The following ZNF438 variants were observed in gnomAD, a reference collection of about 807,000 sequenced individuals.
ZNF438 encodes the protein zinc finger protein 438.
A neutral mutation model predicts 38.0 loss-of-function variants in ZNF438; 25 were observed. The observed-to-expected ratio is 0.66, with a 90% CI of 0.48 to 0.92. The LOEUF is 0.92. ZNF438 is among the 40% of genes least tolerant of loss of function. The pLI is 0.00. For missense variants in ZNF438, 1,007 were observed against 999.6 expected, an observed-to-expected ratio of 1.01 and a Z score of -0.10; for synonymous variants, 372 against 364.1, an observed-to-expected ratio of 1.02 and a Z score of -0.25.
chr10:30,875,011 T>A (rs2038187389), intron 4 of ZNF438, among the ~76,000 whole-genome samples: 2 of 152,140 alleles, frequency 1.3e-5, no homozygotes, highest in Non-Finnish European at 2.9e-5. Context: ...GTAGGTAGAA[T>A]GATTATCACA....
chr10:30,960,899 A>T lies in ZNF438; in HGVS notation c.-191-19248T>A, dbSNP rs1380173238. The stretch of plus-strand genomic sequence containing the variant: ...CCATTAACGTATTCCCCTAGGATTG[A>T]CTGTAAAATTAAGTTTTCCCACCCC... On this transcript the variant is annotated intron_variant, in intron 1 of 5. Transcript: ENST00000413025. 6.1e-5 allele frequency among the ~76,000 whole-genome samples: 9 copies of T among 146,592 alleles called. 3 individuals are homozygous for T. The highest frequency in any genetic ancestry group is 1.4e-4 in the Non-Finnish European group (9 of 64,664).
intron 4 of ZNF438, among the ~76,000 whole-genome samples, chr10:30,871,990 AT>A (rs1160220634): frequency 2.0e-5 from 3 of 152,224 alleles, no homozygotes; most frequent in African/African-American, 7.2e-5. Context: ...CACAAATGTT[AT>A]GACAGAGTTG....
chr10:30,908,994 G>T (rs1478643618), exon 3 of ZNF438: 1 of 152,140 alleles, frequency 6.6e-6, no homozygotes, highest in Non-Finnish European at 1.5e-5. Flanking sequence ...AAGATAAGAT[G>T]TGCGTACTTT....
chr10:30,941,845 TAGG>T (rs1444351232), intron 1 of ZNF438, among the ~76,000 whole-genome samples, 194 bp from the exon 3 acceptor site: 1 of 152,182 alleles, frequency 6.6e-6, no homozygotes, highest in Non-Finnish European at 1.5e-5. Context: ...ACTTCTAAAA[TAGG>T]AGATATATTG....
chr10:30,962,215 C>T (rs1322561123), intron 1 of ZNF438, among the ~76,000 whole-genome samples: 1 of 146,946 alleles, frequency 6.8e-6, no homozygotes, highest in Non-Finnish European at 1.5e-5. Flanking sequence ...AGATCAATCT[C>T]AAACCTTATT....
chr10:30,867,186 TA>T (rs1448520261), intron 4 of ZNF438, among the ~76,000 whole-genome samples: 1 of 152,246 alleles, frequency 6.6e-6, no homozygotes, highest in East Asian at 1.9e-4. Context: ...AGCTGGCTTT[TA>T]AAAAAATATG....
chr10:30,991,711 A>T (rs1277895503), intron 1 of ZNF438, among the ~76,000 whole-genome samples: 1 of 152,196 alleles, frequency 6.6e-6, no homozygotes, highest in Non-Finnish European at 1.5e-5. Flanking sequence ...CAACCAACAA[A>T]TTAGGACTAT....
intron 3 of ZNF438, among the ~76,000 whole-genome samples, chr10:30,880,442 AAAAAAG>A (rs1238564197): frequency 2.8e-3 from 419 of 151,356 alleles, no homozygotes; most frequent in Non-Finnish European, 4.8e-3. Flanking sequence ...AAAAAAAAAA[AAAAAAG>A]AAAAAGAAAA....
intron 1 of ZNF438, among the ~76,000 whole-genome samples, chr10:31,023,463 T>C (rs1257104441): frequency 6.6e-6 from 1 of 152,248 alleles, no homozygotes; most frequent in African/African-American, 2.4e-5. Context: ...CAGCCTGGGT[T>C]CCAAATATAT....
chr10:31,032,383 T>C (rs1458950465), upstream of ZNF438, among the ~76,000 whole-genome samples: 1 of 151,578 alleles, frequency 6.6e-6, no homozygotes, highest in Non-Finnish European at 1.5e-5. Flanking sequence ...CCTCCCCGGC[T>C]CGACGCGGCT....
intron 1 of ZNF438, among the ~76,000 whole-genome samples, chr10:30,986,009 T>C (rs2052740634): frequency 6.6e-6 from 1 of 152,212 alleles, no homozygotes; most frequent in Non-Finnish European, 1.5e-5. Context: ...AAATATTTAC[T>C]ATTGTGTTAC....
chr10:30,935,451 GA>G (rs763498168), intron 2 of ZNF438, among the ~76,000 whole-genome samples: 1 of 152,120 alleles, frequency 6.6e-6, no homozygotes, highest in Non-Finnish European at 1.5e-5. Flanking sequence ...GAGGAAGCAA[GA>G]GGGGAGGAGG....
chr10:30,971,892 TA>T, intron 1 of ZNF438, among the ~76,000 whole-genome samples: 1 of 152,224 alleles, frequency 6.6e-6, no homozygotes, highest in Admixed American at 6.5e-5. Context: ...CAGTTTCACA[TA>T]AAAAGATTAC....
intron 4 of ZNF438, among the ~76,000 whole-genome samples, chr10:30,862,460 G>C (rs997207102): frequency 1.3e-5 from 2 of 152,020 alleles, no homozygotes; most frequent in Non-Finnish European, 2.9e-5. Context: ...ACACCACCCT[G>C]TGTGGCTAGT....
intron 3 of ZNF438, among the ~76,000 whole-genome samples, chr10:30,902,299 T>C (rs182139093): frequency 3.3e-5 from 5 of 152,292 alleles, no homozygotes; most frequent in African/African-American, 4.8e-5. Flanking sequence ...ATCCCTGAGC[T>C]AGACACAAAA....
intron 3 of ZNF438, among the ~76,000 whole-genome samples, chr10:30,902,879 C>T (rs2042181441): frequency 1.3e-5 from 2 of 152,232 alleles, no homozygotes; most frequent in South Asian, 4.1e-4. Flanking sequence ...CTTGGGGAGG[C>T]TCAGGTGGTG....
chr10:30,875,203 A>G, intron 4 of ZNF438: 1 of 959,714 alleles, frequency 1.0e-6, no homozygotes, highest in Non-Finnish European at 1.2e-6. Context: ...GTGATAGCCC[A>G]GAGAGGTAGG....
intron 1 of ZNF438, among the ~76,000 whole-genome samples, chr10:31,023,509 T>A (rs945595985): frequency 6.6e-6 from 1 of 152,242 alleles, no homozygotes; most frequent in Non-Finnish European, 1.5e-5. Flanking sequence ...CAAGTGATAT[T>A]TGTACATCCA....
At chr10:31,030,681 TC>T (rs2133466695) in intron 1 of ZNF438, among the ~76,000 whole-genome samples, 1 of 152,346 alleles carries the variant, frequency 6.6e-6, no homozygotes, top group African/African-American at 2.4e-5. Flanking sequence ...GATATCACAC[TC>T]CTGAAATGAA....
Sources: gnomAD v4.1 joint callset for allele counts (sites outside exome capture counted in the v4.1 genomes callset) on GRCh38, gnomAD v4.1.1 for gene constraint, MANE v1.5 for transcripts, NCBI Gene and HGNC (gene_info 2026-07-23, HGNC 2026-07-21) for gene names.